Variants in PAN3 observed in about 807,000 individuals in gnomAD.
PAN3 encodes the protein PAN2-PAN3 deadenylation complex subunit PAN3.
PAN3 carries 19 observed loss-of-function variants against 96.2 expected under a neutral mutation model. The observed-to-expected ratio is 0.20, with a 90% CI of 0.14 to 0.29. PAN3 has a LOEUF of 0.29. Ranked by LOEUF, PAN3 falls within the 10% of genes least tolerant of loss-of-function variation. PAN3 has a pLI of 1.00. For synonymous variants in PAN3, 433 were observed against 406.6 expected (o/e 1.06, Z -0.78); for missense variants, 882 against 1,108.1 (o/e 0.80, Z 2.90).
chr13:28,257,254 G>A (rs901158388), intron 7 of PAN3, among the ~76,000 whole-genome samples: 2 of 152,160 alleles, frequency 1.3e-5, no homozygotes, highest in African/African-American at 2.4e-5. Flanking sequence ...CCAGGAGAGG[G>A]AGAAGGAACA....
chr13:28,141,538 G>T (rs1869839738), intron 1 of PAN3, among the ~76,000 whole-genome samples: 1 of 143,018 alleles, frequency 7.0e-6, no homozygotes, highest in Non-Finnish European at 1.5e-5. Flanking sequence ...AGTGATCTCG[G>T]CTCACCGCAA....
At chr13:28,191,537 C>T (rs79022203) in intron 4 of PAN3, among the ~76,000 whole-genome samples, 2,934 of 152,188 alleles carry the variant, frequency 0.019, 107 homozygotes, top group African/African-American at 0.067. Context: ...GACAGCCCCC[C>T]ACAAGAAAGA....
intron 5 of PAN3, chr13:28,214,934 T>G (rs999981053): frequency 7.4e-7 from 1 of 1,358,630 alleles, no homozygotes; most frequent in African/African-American, 1.4e-5. Context: ...CCCTTCTGGC[T>G]TACACACTGG....
chr13:28,279,424 C>A (rs185748192), intron 15 of PAN3, among the ~76,000 whole-genome samples: 83 of 152,282 alleles, frequency 5.5e-4, no homozygotes, highest in African/African-American at 1.7e-3. Context: ...CCCCACCCCA[C>A]ACCTACCCCC....
intron 6 of PAN3, among the ~76,000 whole-genome samples, chr13:28,249,088 C>G (rs145441294): frequency 2.6e-5 from 4 of 152,114 alleles, no homozygotes; most frequent in African/African-American, 4.8e-5. Flanking sequence ...TTTGATGAAG[C>G]CTGATTAAAA....
chr13:28,269,638 T>C (rs1886447563), intron 12 of PAN3, among the ~76,000 whole-genome samples: 1 of 152,180 alleles, frequency 6.6e-6, no homozygotes, highest in Non-Finnish European at 1.5e-5. Context: ...TGTTTCCTTA[T>C]TACTACATTA....
rs1358141177 is a variant in PAN3, at chr13:28,272,053, A to G, written c.2031A>G (p.Ala677=). ...FDNSQNNNPL[A]LMAQYQQADL... The stretch of plus-strand genomic sequence containing the variant: ...ACAGTCAAAATAATAATCCATTGGC[A>G]TTAATGGCCCAGTACCAGGTGAGTA... The change falls in exon 14 of 19, where the codon GCA becomes GCG. Residue 677 remains alanine (A), a synonymous_variant. Coordinates refer to ENST00000380958, the MANE Select transcript of PAN3 (RefSeq NM_175854.8). 7.6e-6 allele frequency: 12 copies of G among 1,581,010 alleles called. No homozygotes were observed. Among genetic ancestry groups the G allele is most frequent in the South Asian group, 1.1e-5 (1 of 88,302 alleles).
chr13:28,205,969 GT>G (rs1372096654), intron 5 of PAN3, among the ~76,000 whole-genome samples: 1 of 149,776 alleles, frequency 6.7e-6, no homozygotes, highest in Non-Finnish European at 1.5e-5. Flanking sequence ...ATAGGTGTTT[GT>G]TATATACTGA....
At chr13:28,285,186 T>G (rs1231665172) in intron 17 of PAN3, among the ~76,000 whole-genome samples, 1 of 152,202 alleles carries the variant, frequency 6.6e-6, no homozygotes. Context: ...CTCTGGTACC[T>G]TATTGTTTGG....
intron 1 of PAN3, among the ~76,000 whole-genome samples, chr13:28,148,700 C>G (rs952193924): frequency 2.0e-5 from 3 of 152,118 alleles, no homozygotes; most frequent in Non-Finnish European, 2.9e-5. Context: ...TTATATTTCT[C>G]TATGTCTAAC....
chr13:28,248,825 G>A (rs552839537), intron 6 of PAN3, among the ~76,000 whole-genome samples: 10 of 152,228 alleles, frequency 6.6e-5, no homozygotes, highest in Admixed American at 2.0e-4. Flanking sequence ...TTTCTCATTC[G>A]ATATGGTGTT....
At chr13:28,178,706 CTAAAGCTCAGAAA>C (rs1875374095) in intron 4 of PAN3, among the ~76,000 whole-genome samples, 1 of 151,862 alleles carries the variant, frequency 6.6e-6, no homozygotes, top group East Asian at 1.9e-4. Flanking sequence ...GTAAAATTAA[CTAAAGCTCAGAAA>C]TGAAGATAAA....
chr13:28,287,353 G>GGATT lies in PAN3; in HGVS notation c.2385-630_2385-627dup, dbSNP rs1158334280. On this transcript the variant is annotated intron_variant, in intron 17 of 18. Transcript: ENST00000380958. ...AACGACTTTAAATGATACAGAAAAG[G>GGATT]GATTATCAGCCAGGCGCGGCCCTAG... Among the ~76,000 whole-genome samples, 26 of 152,176 alleles carry GGATT rather than the reference G, an allele frequency of 1.7e-4. 1 individual carries two copies. The highest frequency in any genetic ancestry group is 6.3e-4 in the African/African-American group (26 of 41,500).
intron 5 of PAN3, among the ~76,000 whole-genome samples, chr13:28,206,714 T>G (rs2138294169): frequency 6.6e-6 from 1 of 151,698 alleles, no homozygotes; most frequent in South Asian, 2.1e-4. Context: ...TTTATTTTCT[T>G]AGCTCTTAGA....
rs1869986059 is a variant in PAN3, at chr13:28,293,386, G to T, written c.*864G>T. ...TACTTTAGGTTCTTTCCAGTTTGCTGGTTTTTTTTTTTTTTTTTTTTTTTT... is the reference window on the plus strand; with the variant it reads ...TACTTTAGGTTCTTTCCAGTTTGCTTGTTTTTTTTTTTTTTTTTTTTTTTT... On this transcript the variant is annotated 3_prime_UTR_variant, in exon 19 of 19. Transcript: ENST00000380958. 1 of 50,340 alleles carries T rather than the reference G, an allele frequency of 2.0e-5. No homozygotes were observed. The highest frequency in any genetic ancestry group is 9.0e-5 in the African/African-American group (1 of 11,060). The allele number at this position is 50,340 out of a possible 1,614,324, so 3.1% of individuals were successfully genotyped here.
chr13:28,212,646 A>G (rs970778498), intron 5 of PAN3, among the ~76,000 whole-genome samples: 1 of 152,226 alleles, frequency 6.6e-6, no homozygotes. Context: ...ACATATATAC[A>G]TAGATAAGAA....
At chr13:28,184,039 T>A (rs1017894123) in intron 4 of PAN3, among the ~76,000 whole-genome samples, 1 of 152,154 alleles carries the variant, frequency 6.6e-6, no homozygotes, top group African/African-American at 2.4e-5. Flanking sequence ...GCTCTGAGGA[T>A]GTCTACCTTT....
At chr13:28,208,528 A>AT (rs1193196525) in intron 5 of PAN3, among the ~76,000 whole-genome samples, 13 of 149,694 alleles carry the variant, frequency 8.7e-5, no homozygotes, top group Admixed American at 3.3e-4. Flanking sequence ...AGTGTTTCAG[A>AT]TTTTTTTTTT....
chr13:28,238,426 A>T (rs900902674), intron 6 of PAN3, among the ~76,000 whole-genome samples: 4 of 152,224 alleles, frequency 2.6e-5, no homozygotes, highest in Non-Finnish European at 5.9e-5. Flanking sequence ...ACACTTAACC[A>T]AAATGTCAGA....
Sources: gnomAD v4.1 joint callset for allele counts (sites outside exome capture counted in the v4.1 genomes callset) on GRCh38, gnomAD v4.1.1 for gene constraint, MANE v1.5 for transcripts, NCBI Gene and HGNC (gene_info 2026-07-23, HGNC 2026-07-21) for gene names.